NT5DC1: variants seen among roughly 807,000 people sequenced by gnomAD.
NT5DC1 encodes the protein 5'-nucleotidase domain-containing protein 1.
Under a neutral mutation model 59.4 loss-of-function variants are expected in NT5DC1, and 42 were observed. The ratio of observed to expected loss-of-function variants is 0.71; its 90% CI spans 0.55 to 0.92. The LOEUF is 0.92. Ranked by LOEUF, NT5DC1 falls within the 40% of genes least tolerant of loss-of-function variation. The pLI is 0.00. For synonymous variants in NT5DC1, 172 were observed against 188.1 expected, an observed-to-expected ratio of 0.91 and a Z score of 0.70; for missense variants, 501 against 537.1, an observed-to-expected ratio of 0.93 and a Z score of 0.66.
At chr6:116,135,422 C>T (rs1779566233) in intron 6 of NT5DC1, among the ~76,000 whole-genome samples, 1 of 151,738 alleles carries the variant, frequency 6.6e-6, no homozygotes. Flanking sequence ...CCCCCCCCAC[C>T]TTTTTATTTA....
intron 6 of NT5DC1, among the ~76,000 whole-genome samples, chr6:116,161,623 T>C (rs1404076517): frequency 6.6e-6 from 1 of 152,198 alleles, no homozygotes; most frequent in African/African-American, 2.4e-5. Flanking sequence ...CTGTTTTGGT[T>C]ACATTAGACT....
chr6:116,189,329 A>C (rs1781070124), intron 6 of NT5DC1, among the ~76,000 whole-genome samples: 1 of 151,892 alleles, frequency 6.6e-6, no homozygotes, highest in Non-Finnish European at 1.5e-5. Context: ...TAGTAAGCTC[A>C]CAACCCGATT....
chr6:116,174,704 T>G (rs2114459145), intron 6 of NT5DC1, among the ~76,000 whole-genome samples: 1 of 152,322 alleles, frequency 6.6e-6, no homozygotes, highest in Middle Eastern at 3.4e-3. Context: ...TTTCTCTCCT[T>G]TCTAGCTCTC....
At chr6:116,121,627 G>A (rs1779131425) in intron 6 of NT5DC1, 1 of 1,613,798 alleles carries the variant, frequency 6.2e-7, no homozygotes. Flanking sequence ...GGGCTCCTGT[G>A]GGTCCCTGTT....
chr6:116,226,458 C>T (rs1371286613), intron 8 of NT5DC1, among the ~76,000 whole-genome samples: 1 of 151,818 alleles, frequency 6.6e-6, no homozygotes, highest in African/African-American at 2.4e-5. Context: ...AATATGCTGA[C>T]AATTTACAGC....
intron 6 of NT5DC1, among the ~76,000 whole-genome samples, chr6:116,209,082 G>C (rs1018178790): frequency 5.3e-5 from 8 of 151,858 alleles, no homozygotes; most frequent in Admixed American, 5.3e-4. Flanking sequence ...TTATTCTTTT[G>C]GTACTTTCTA....
At position 116,199,012 on chromosome 6, in the gene NT5DC1, G is replaced by A. The variant is rs1355648775; in HGVS notation, c.530-22042G>A. Among the ~76,000 whole-genome samples the A allele has an allele frequency of 2.6e-5, 4 of 152,078 alleles. No homozygotes were observed. In the East Asian group the frequency reaches 7.8e-4, roughly 30 times the overall value. On this transcript the variant is annotated intron_variant, in intron 6 of 11. Coordinates refer to ENST00000319550, the MANE Select transcript of NT5DC1 (RefSeq NM_152729.3). ...TGGGTAATTCTTTGTTGGAGGAGCT[G>A]TTCTGTGCATTATATAATGTTTAGC...
intron 7 of NT5DC1, among the ~76,000 whole-genome samples, 193 bp downstream of exon 7, chr6:116,221,421 CA>C (rs1283873477): frequency 1.3e-5 from 2 of 152,174 alleles, no homozygotes; most frequent in African/African-American, 4.8e-5. Flanking sequence ...TTTAGCAAAG[CA>C]GTGTTATTGG....
At chr6:116,146,256 G>A (rs1779895536) in intron 6 of NT5DC1, among the ~76,000 whole-genome samples, 1 of 152,190 alleles carries the variant, frequency 6.6e-6, no homozygotes, top group Non-Finnish European at 1.5e-5. Flanking sequence ...AGGGAATCAA[G>A]CAAATCAAAA....
intron 6 of NT5DC1, among the ~76,000 whole-genome samples, chr6:116,173,183 C>G (rs1780651065): frequency 6.6e-6 from 1 of 152,172 alleles, no homozygotes; most frequent in Non-Finnish European, 1.5e-5. Flanking sequence ...ACCACAGCCC[C>G]TGGCAGTGTT....
intron 3 of NT5DC1, chr6:116,110,619 G>A: frequency 1.6e-6 from 1 of 611,364 alleles, no homozygotes. Context: ...TGACCTCAGA[G>A]TGAGTATCTC....
intron 6 of NT5DC1, among the ~76,000 whole-genome samples, chr6:116,179,264 A>G (rs62414141): frequency 0.21 from 32,084 of 152,044 alleles, 3,546 homozygotes; most frequent in East Asian, 0.27. Flanking sequence ...TATCTTATTA[A>G]TATTACATTA....
intron 6 of NT5DC1, among the ~76,000 whole-genome samples, chr6:116,123,424 A>G (rs1227486712): frequency 1.3e-5 from 2 of 152,246 alleles, no homozygotes; most frequent in Non-Finnish European, 2.9e-5. Flanking sequence ...ACAATCCTCA[A>G]GGTAAAACGA....
chr6:116,196,611 A>T (rs1417881561), intron 6 of NT5DC1, among the ~76,000 whole-genome samples: 1 of 152,086 alleles, frequency 6.6e-6, no homozygotes, highest in African/African-American at 2.4e-5. Flanking sequence ...AGTTGAGGTC[A>T]GGGGAACAGG....
intron 11 of NT5DC1, among the ~76,000 whole-genome samples, chr6:116,242,900 G>T (rs1771764445): frequency 6.6e-6 from 1 of 152,000 alleles, no homozygotes. Flanking sequence ...ATCTCTACTG[G>T]TTTTTCTGCT....
In NT5DC1 at chr6:116,244,131, A is replaced by G; in HGVS notation, c.*107A>G. On this transcript the variant is annotated 3_prime_UTR_variant, in exon 12 of 12. Coordinates refer to ENST00000319550, the MANE Select transcript of NT5DC1 (RefSeq NM_152729.3). Reference sequence around the variant, plus strand: ...TTTAAGGAACAAGTTTTATTGACCAATAAGTTGATATTTGTCCATAGGTCT... The same window carrying G: ...TTTAAGGAACAAGTTTTATTGACCAGTAAGTTGATATTTGTCCATAGGTCT... 1 of 496,464 alleles carries G rather than the reference A, an allele frequency of 2.0e-6. No homozygotes were observed. Among genetic ancestry groups the G allele is most frequent in the Non-Finnish European group, 3.6e-6 (1 of 274,974 alleles). 30.8% of individuals were successfully genotyped at this position (496,464 alleles called of 1,614,324 possible).
intron 6 of NT5DC1, among the ~76,000 whole-genome samples, chr6:116,177,089 G>A (rs1780750957): frequency 6.6e-6 from 1 of 152,148 alleles, no homozygotes; most frequent in South Asian, 2.1e-4. Flanking sequence ...GTTATAATAT[G>A]TGGACCGGTT....
chr6:116,171,518 T>G (rs2114452215), intron 6 of NT5DC1, among the ~76,000 whole-genome samples: 1 of 152,326 alleles, frequency 6.6e-6, no homozygotes, highest in South Asian at 2.1e-4. Context: ...TACAAAAGAC[T>G]TGTTTAAACC....
chr6:116,208,425 T>C lies in NT5DC1; in HGVS notation c.530-12629T>C, dbSNP rs549533773. Among the ~76,000 whole-genome samples the C allele has an allele frequency of 5.3e-5, 8 of 152,152 alleles. No individual in the cohort carries two copies. In the East Asian group the frequency reaches 1.4e-3, roughly 26 times the overall value. Reference sequence around the variant, plus strand: ...TGAAATGAAAGCTACAGTGTATCTCTTTGAAGCTAGCCCCTAAAACCTGTC... The same window carrying C: ...TGAAATGAAAGCTACAGTGTATCTCCTTGAAGCTAGCCCCTAAAACCTGTC... On this transcript the variant is annotated intron_variant, in intron 6 of 11. Coordinates refer to ENST00000319550, the MANE Select transcript of NT5DC1 (RefSeq NM_152729.3).
Sources: allele counts gnomAD v4.1 joint callset (sites outside exome capture counted in the v4.1 genomes callset), GRCh38; gene constraint gnomAD v4.1.1; transcripts MANE v1.5; gene names NCBI Gene and HGNC (gene_info 2026-07-23, HGNC 2026-07-21).